The following GPR158 variants were observed in gnomAD, a reference collection of about 807,000 sequenced individuals.
GPR158 encodes the protein G protein-coupled receptor 158.
Under a neutral mutation model 78.2 loss-of-function variants are expected in GPR158, and 30 were observed. That is an observed-to-expected ratio of 0.38 (90% CI 0.29 to 0.52). The LOEUF (loss-of-function observed/expected upper bound fraction) is 0.52, where lower values mean the gene tolerates loss of function less well. Among genes scored for constraint, GPR158 ranks in the 20% least tolerant of loss-of-function variants. The pLI is 0.83. For missense variants in GPR158, 1,463 were observed against 1,523.5 expected (o/e 0.96, Z 0.66); for synonymous variants, 581 against 591.1 (o/e 0.98, Z 0.25).
rs1472917377 is a variant in GPR158 at position 25,425,760 on chromosome 10, A to C, written c.1335+13287A>C. Among the ~76,000 whole-genome samples, 5 of 151,590 alleles carry C rather than the reference A, an allele frequency of 3.3e-5. No homozygotes were observed. In the East Asian group the frequency reaches 9.7e-4, roughly 29 times the overall value. On this transcript the variant is annotated intron_variant, in intron 4 of 10. Coordinates refer to ENST00000376351, the MANE Select transcript of GPR158 (RefSeq NM_020752.3). The stretch of plus-strand genomic sequence containing the variant: ...CTTATATTGCCTCTTCTGCTTTAGC[A>C]CTCCTGGGCTTCTCTCTTAGGACCT...
intron 2 of GPR158, among the ~76,000 whole-genome samples, chr10:25,377,436 G>T (rs1834096755): frequency 6.6e-6 from 1 of 151,910 alleles, no homozygotes; most frequent in African/African-American, 2.4e-5. Flanking sequence ...AGAATTCAGT[G>T]ATTTTAGTAT....
chr10:25,295,445 A>G (rs1000464867), intron 2 of GPR158, among the ~76,000 whole-genome samples: 1 of 151,854 alleles, frequency 6.6e-6, no homozygotes, highest in African/African-American at 2.4e-5. Context: ...ACGAAGTCTC[A>G]CTCTGTCACC....
At position 25,596,630 on chromosome 10, in the gene GPR158, G is replaced by T; in HGVS notation, c.1999-13G>T. 6.2e-7 allele frequency: 1 copy of T among 1,607,836 alleles called. No homozygotes were observed. The highest frequency in any genetic ancestry group is 8.5e-7 in the Non-Finnish European group (1 of 1,175,816). ...TGAGCTAATGTCTACTGCTCATACT[G>T]AATTTGTTTCAGTTTTCACATTCAA... On this transcript the variant is annotated splice_polypyrimidine_tract_variant and intron_variant, in intron 9 of 10. Coordinates refer to ENST00000376351, the MANE Select transcript of GPR158 (RefSeq NM_020752.3).
At chr10:25,438,909 C>T (rs545945702) in intron 4 of GPR158, among the ~76,000 whole-genome samples, 10 of 152,238 alleles carry the variant, frequency 6.6e-5, no homozygotes, top group Middle Eastern at 3.4e-3. Context: ...TATTTTATGA[C>T]CTATGAAAAT....
intron 2 of GPR158, among the ~76,000 whole-genome samples, chr10:25,301,160 A>G (rs747840763): frequency 6.6e-6 from 1 of 152,190 alleles, no homozygotes; most frequent in Non-Finnish European, 1.5e-5. Flanking sequence ...AAATGTTTAT[A>G]TATCTATGAA....
chr10:25,272,980 G>T (rs1286590735), intron 2 of GPR158, among the ~76,000 whole-genome samples: 1 of 152,076 alleles, frequency 6.6e-6, no homozygotes, highest in African/African-American at 2.4e-5. Context: ...AAAGCTGGAG[G>T]ACACCCTAAA....
At chr10:25,424,795 A>T (rs9417425) in intron 4 of GPR158, among the ~76,000 whole-genome samples, 106,334 of 151,968 alleles carry the variant, frequency 0.7, 38,214 homozygotes, top group Non-Finnish European at 0.8. Context: ...AGCCTTGTAG[A>T]ATACTTTGAT....
intron 4 of GPR158, among the ~76,000 whole-genome samples, chr10:25,435,597 C>G (rs1041735267): frequency 5.3e-5 from 8 of 152,176 alleles, no homozygotes; most frequent in African/African-American, 1.2e-4. Context: ...GTCGTCAGGA[C>G]TCAGTCATCC....
intron 5 of GPR158, among the ~76,000 whole-genome samples, chr10:25,471,708 G>A (rs1442035757): frequency 6.6e-6 from 1 of 152,118 alleles, no homozygotes; most frequent in African/African-American, 2.4e-5. Context: ...TTCTCTGATG[G>A]CCAGTGATGG....
rs1164636669 is a variant in GPR158, at chr10:25,388,898, G to T, written c.1009-7013G>T. Reference sequence around the variant, plus strand: ...CACTCCAATCATGGAGCAAAGTTGAGGCTGAGCCCAGGTGCTGTTGCAACC... The same window carrying T: ...CACTCCAATCATGGAGCAAAGTTGATGCTGAGCCCAGGTGCTGTTGCAACC... On this transcript the variant is annotated intron_variant, in intron 2 of 10. Coordinates refer to ENST00000376351, the MANE Select transcript of GPR158 (RefSeq NM_020752.3). Among the ~76,000 whole-genome samples, 4 of 152,344 alleles carry T rather than the reference G, an allele frequency of 2.6e-5. No homozygotes were observed. The East Asian group carries it at 7.8e-4, about 30-fold the overall frequency.
intron 2 of GPR158, among the ~76,000 whole-genome samples, chr10:25,268,477 A>T (rs1854072481): frequency 1.3e-5 from 2 of 152,094 alleles, no homozygotes; most frequent in South Asian, 4.1e-4. Flanking sequence ...TGAGTTATAT[A>T]TGTGGAATTT....
chr10:25,449,327 T>C (rs190724782), intron 4 of GPR158, among the ~76,000 whole-genome samples: 206 of 152,342 alleles, frequency 1.4e-3, no homozygotes, highest in African/African-American at 4.6e-3. Context: ...AATGTAAAAT[T>C]GCAATGTTAA....
intron 5 of GPR158, among the ~76,000 whole-genome samples, chr10:25,544,250 C>T (rs1836628805): frequency 6.6e-6 from 1 of 151,930 alleles, no homozygotes; most frequent in Admixed American, 6.6e-5. Flanking sequence ...ATAACTATCA[C>T]TGGCCCCTAG....
chr10:25,235,842 G>C (rs1424539018), intron 2 of GPR158, among the ~76,000 whole-genome samples: 1 of 151,704 alleles, frequency 6.6e-6, no homozygotes, highest in Non-Finnish European at 1.5e-5. Flanking sequence ...GACTACAGGT[G>C]CCTGCCACCA....
At chr10:25,595,643 T>A (rs1261533407) in intron 9 of GPR158, among the ~76,000 whole-genome samples, 1 of 152,212 alleles carries the variant, frequency 6.6e-6, no homozygotes, top group East Asian at 1.9e-4. Context: ...TGCCACACAT[T>A]GCATGATTCC....
At chr10:25,495,149 CTT>C (rs1302799395) in intron 5 of GPR158, among the ~76,000 whole-genome samples, 6 of 137,784 alleles carry the variant, frequency 4.4e-5, no homozygotes, top group Non-Finnish European at 4.8e-5. Context: ...AATCCACTAA[CTT>C]TTTTTTTTTT....
intron 2 of GPR158, among the ~76,000 whole-genome samples, chr10:25,296,416 G>A (rs577210364): frequency 1.4e-4 from 22 of 152,134 alleles, no homozygotes; most frequent in African/African-American, 4.6e-4. Context: ...ATTAGATACC[G>A]TTTCACTTTT....
intron 1 of GPR158, among the ~76,000 whole-genome samples, chr10:25,197,761 G>T (rs1480823739): frequency 6.6e-6 from 1 of 152,118 alleles, no homozygotes; most frequent in African/African-American, 2.4e-5. Flanking sequence ...AAACTTTAAT[G>T]AATCTAATTT....
intron 4 of GPR158, among the ~76,000 whole-genome samples, chr10:25,456,035 C>G (rs1835286419): frequency 6.6e-6 from 1 of 152,126 alleles, no homozygotes; most frequent in Admixed American, 6.6e-5. Context: ...ATTTTAAATT[C>G]CTGTTTTCAT....
Sources: allele counts gnomAD v4.1 joint callset (sites outside exome capture counted in the v4.1 genomes callset), GRCh38; gene constraint gnomAD v4.1.1; transcripts MANE v1.5; gene names NCBI Gene and HGNC (gene_info 2026-07-23, HGNC 2026-07-21).